Variants in KLHL9 observed in about 807,000 individuals in gnomAD.
KLHL9 encodes kelch like family member 9, also known as kelch-like protein 9.
Under a neutral mutation model 42.3 loss-of-function variants are expected in KLHL9, and 27 were observed. That is an observed-to-expected ratio of 0.64 (90% CI 0.47 to 0.88). The LOEUF (loss-of-function observed/expected upper bound fraction) is 0.88, where lower values mean the gene tolerates loss of function less well. KLHL9 is among the 40% of genes least tolerant of loss of function. The pLI is 0.00. For synonymous variants in KLHL9, 274 were observed against 254.4 expected, an observed-to-expected ratio of 1.08 and a Z score of -0.73; for missense variants, 629 against 750.3, an observed-to-expected ratio of 0.84 and a Z score of 1.89.
Position 21,330,657 on chromosome 9 carries a change from CA to C in KLHL9, c.*2348del, listed in dbSNP as rs1820152001. ...TTTTCAATAAAAGGAAAAGCCTGTA[CA>C]AAATAGAGGCAGGGCAGTATCACCT... On this transcript the variant is annotated 3_prime_UTR_variant, in exon 1 of 1. Coordinates refer to ENST00000359039, the MANE Select transcript of KLHL9 (RefSeq NM_018847.4). 1 of 151,968 alleles carries C rather than the reference CA, an allele frequency of 6.6e-6. No individual in the cohort carries two copies. Among genetic ancestry groups the C allele is most frequent in the African/African-American group, 2.4e-5 (1 of 41,366 alleles). 9.4% of individuals were successfully genotyped at this position (151,968 alleles called of 1,614,324 possible).
At position 21,335,111 on chromosome 9, in the gene KLHL9, A is replaced by G. The variant is rs1384734989; in HGVS notation, c.-252T>C. On this transcript the variant is annotated 5_prime_UTR_variant, in exon 1 of 1. Transcript: ENST00000359039. ...TGATTCATCACCTGAAGGCGGTTAA[A>G]TGACCTGGTTCACCTCGTCCGGCCT... 6 of 555,896 alleles carry G rather than the reference A, an allele frequency of 1.1e-5. No homozygotes were observed. The highest frequency in any genetic ancestry group is 1.9e-5 in the Non-Finnish European group (6 of 312,868). The allele number at this position is 555,896 out of a possible 1,614,324, so 34.4% of individuals were successfully genotyped here. A position where few individuals can be genotyped will look rare whatever the true frequency, so the allele number is the denominator to read the frequency against.
chr9:21,332,986 A>G lies in KLHL9; in HGVS notation c.*20T>C. ...TATTAGATCACCCATGACGTACTGC[A>G]AAGGTGTTACACCTTAGACCTAAGA... On this transcript the variant is annotated 3_prime_UTR_variant, in exon 1 of 1. Coordinates refer to ENST00000359039, the MANE Select transcript of KLHL9 (RefSeq NM_018847.4). 4 of 1,613,828 alleles carry G rather than the reference A, an allele frequency of 2.5e-6. No individual in the cohort carries two copies. The highest frequency in any genetic ancestry group is 3.4e-6 in the Non-Finnish European group (4 of 1,179,686).
In KLHL9 at chr9:21,332,807, A is replaced by T; in HGVS notation, c.*199T>A. On this transcript the variant is annotated 3_prime_UTR_variant, in exon 1 of 1. Coordinates refer to ENST00000359039, the MANE Select transcript of KLHL9 (RefSeq NM_018847.4). Reference sequence around the variant, plus strand: ...AAACATTTTTCTACGTCTTTTTTTCATTTGTTAAAACAGCTATGTTAAATA... The same window carrying T: ...AAACATTTTTCTACGTCTTTTTTTCTTTTGTTAAAACAGCTATGTTAAATA... 4 of 752,506 alleles carry T rather than the reference A, an allele frequency of 5.3e-6. No homozygotes were observed. Among genetic ancestry groups the T allele is most frequent in the Non-Finnish European group, 7.9e-6 (4 of 508,654 alleles). The allele number at this position is 752,506 out of a possible 1,614,324, so 46.6% of individuals were successfully genotyped here.
At position 21,335,140 on chromosome 9, in the gene KLHL9, C is replaced by A; in HGVS notation, c.-281G>T. The stretch of plus-strand genomic sequence containing the variant: ...CCTGGTTCACCTCGTCCGGCCTGCG[C>A]TGCCGCTCCTTCAGCAGTTCCGCTT... On this transcript the variant is annotated 5_prime_UTR_variant, in exon 1 of 1. Coordinates refer to ENST00000359039, the MANE Select transcript of KLHL9 (RefSeq NM_018847.4). 1.9e-6 allele frequency: 1 copy of A among 537,890 alleles called. No individual in the cohort carries two copies. The highest frequency in any genetic ancestry group is 3.0e-5 in the East Asian group (1 of 32,898). 33.3% of individuals were successfully genotyped at this position (537,890 alleles called of 1,614,324 possible). A position where few individuals can be genotyped will look rare whatever the true frequency, so the allele number is the denominator to read the frequency against.
Position 21,334,963 on chromosome 9 carries a change from CCTT to C in KLHL9, c.-107_-105del. 6.6e-7 allele frequency: 1 copy of C among 1,524,564 alleles called. No individual in the cohort carries two copies. The highest frequency in any genetic ancestry group is 2.4e-5 in the East Asian group (1 of 42,552). The allele number at this position is 1,524,564 out of a possible 1,614,324, so 94.4% of individuals were successfully genotyped here. A position where few individuals can be genotyped will look rare whatever the true frequency, so the allele number is the denominator to read the frequency against. On this transcript the variant is annotated 5_prime_UTR_variant, in exon 1 of 1. In the 5' UTR this introduces an upstream ATG that the reference lacks. Coordinates refer to ENST00000359039, the MANE Select transcript of KLHL9 (RefSeq NM_018847.4). This position sits in a 1 kb window ranked among gnomAD's most constrained non-coding sequence, Gnocchi z 5.1. ...TCCAGAAAGAACAGAAAGCTCGTTT[CCTT>C]ATCAAGGGAAGGCAGTCACTGCGGC...
chr9:21,334,692 T>A lies in KLHL9; in HGVS notation c.168A>T (p.Pro56=), dbSNP rs770280109. The A allele has an allele frequency of 1.2e-6, 2 of 1,614,130 alleles. No homozygotes were observed. The highest frequency in any genetic ancestry group is 8.5e-7 in the Non-Finnish European group (1 of 1,179,986). ...CAGGGAAGATTTCATCTCCATCACC[T>A]GGTACCAGGGTCACATCACAAAGCA... ...EGLLCDVTLV[P]GDGDEIFPVH... is the part of the protein sequence containing the mutation. The change falls in exon 1 of 1, where the codon CCA becomes CCT. Residue 56 remains proline, a synonymous_variant. Coordinates refer to ENST00000359039, the MANE Select transcript of KLHL9 (RefSeq NM_018847.4). This position sits in a 1 kb window ranked among gnomAD's most constrained non-coding sequence, Gnocchi z 5.1.
rs1361443928 is a variant in KLHL9 at position 21,331,054 on chromosome 9, C to G, written c.*1952G>C. 1 of 152,266 alleles carries G rather than the reference C, an allele frequency of 6.6e-6. No individual in the cohort carries two copies. Among genetic ancestry groups the G allele is most frequent in the African/African-American group, 2.4e-5 (1 of 41,328 alleles). The allele number at this position is 152,266 out of a possible 1,614,324, so 9.4% of individuals were successfully genotyped here. A position where few individuals can be genotyped will look rare whatever the true frequency, so the allele number is the denominator to read the frequency against. ...ATTACATTTATTATATAAAGAGATC[C>G]TATAACTTGATACGAAAAACAAAGC... On this transcript the variant is annotated 3_prime_UTR_variant, in exon 1 of 1. Transcript: ENST00000359039.
rs1820208870 is a variant in KLHL9, at chr9:21,333,397, A to G, written c.1463T>C (p.Met488Thr). The change falls in exon 1 of 1, where the codon ATG becomes ACG. Residue 488 changes from methionine to threonine, a missense_variant. By Grantham distance (81) the Met-to-Thr change is moderately conservative. This residue lies in a region of KLHL9 where 214 missense variants were observed against 305.8 expected (regional missense o/e 0.70). Transcript: ENST00000359039. The surrounding 1 kb of genome is among the most constrained non-coding windows in gnomAD (Gnocchi z 7.5). ...ATAGAGCTTATCTCCAACTGTACAC[A>G]TGCAATGCAGACCTCTGACTGTAGT... ...PMTTVRGLHC[M>T]CTVGDKLYVI... The G allele has an allele frequency of 6.2e-7, 1 of 1,614,116 alleles. No homozygotes were observed. The highest frequency in any genetic ancestry group is 1.7e-5 in the Admixed American group (1 of 60,006).
At position 21,332,670 on chromosome 9, in the gene KLHL9, CCTCT is replaced by C. The variant is rs1820193861; in HGVS notation, c.*332_*335del. The C allele has an allele frequency of 4.1e-6, 1 of 245,682 alleles. No individual in the cohort carries two copies. The highest frequency in any genetic ancestry group is 2.3e-5 in the African/African-American group (1 of 44,204). 15.2% of individuals were successfully genotyped at this position (245,682 alleles called of 1,614,324 possible). On this transcript the variant is annotated 3_prime_UTR_variant, in exon 1 of 1. Transcript: ENST00000359039. ...GTTATTTTTAGTTTAGAGCGGCCTC[CCTCT>C]GACATTTTGGAGTCAAAGATGAAAA...
At position 21,332,839 on chromosome 9, in the gene KLHL9, C is replaced by T; in HGVS notation, c.*167G>A. ...AAAACAGCTATGTTAAATACATTTT[C>T]AGAATGCATTTGTTAGCCACTTGAT... On this transcript the variant is annotated 3_prime_UTR_variant, in exon 1 of 1. Transcript: ENST00000359039. 1.0e-6 allele frequency: 1 copy of T among 972,752 alleles called. No homozygotes were observed. Among genetic ancestry groups the T allele is most frequent in the Admixed American group, 3.2e-5 (1 of 31,588 alleles). 60.3% of individuals were successfully genotyped at this position (972,752 alleles called of 1,614,324 possible). A position where few individuals can be genotyped will look rare whatever the true frequency, so the allele number is the denominator to read the frequency against.
Position 21,329,756 on chromosome 9 carries a change from A to C in KLHL9, c.*3250T>G, listed in dbSNP as rs1023045120. On this transcript the variant is annotated 3_prime_UTR_variant, in exon 1 of 1. Transcript: ENST00000359039. ...AAAAATATTTGACAAATGCCTGCAC[A>C]TATGTACGTATATATATATATATAA... 6.7e-6 allele frequency: 1 copy of C among 149,620 alleles called. No homozygotes were observed. The highest frequency in any genetic ancestry group is 6.7e-5 in the Admixed American group (1 of 14,988). The allele number at this position is 149,620 out of a possible 1,614,324, so 9.3% of individuals were successfully genotyped here.
At position 21,331,782 on chromosome 9, in the gene KLHL9, G is replaced by C. The variant is rs1820175679; in HGVS notation, c.*1224C>G. ...GGAATCTGAAGTTGGTCCTGTCTTT[G>C]AGACATGGCCAAAAGCACATTTTTC... On this transcript the variant is annotated 3_prime_UTR_variant, in exon 1 of 1. Coordinates refer to ENST00000359039, the MANE Select transcript of KLHL9 (RefSeq NM_018847.4). 6.6e-6 allele frequency: 1 copy of C among 152,558 alleles called. No individual in the cohort carries two copies. The highest frequency in any genetic ancestry group is 1.9e-4 in the East Asian group (1 of 5,190). 9.5% of individuals were successfully genotyped at this position (152,558 alleles called of 1,614,324 possible). A position where few individuals can be genotyped will look rare whatever the true frequency, so the allele number is the denominator to read the frequency against.
At position 21,333,850 on chromosome 9, in the gene KLHL9, C is replaced by T. The variant is rs1225685588; in HGVS notation, c.1010G>A (p.Arg337His). 5 of 1,613,886 alleles carry T rather than the reference C, an allele frequency of 3.1e-6. No individual in the cohort carries two copies. The South Asian group carries it at 4.4e-5, about 14-fold the overall frequency. Residue 337 changes from arginine to histidine, a missense_variant, in exon 1 of 1, where the codon CGT becomes CAT. Arg to His is a conservative substitution (Grantham distance 29). Coordinates refer to ENST00000359039, the MANE Select transcript of KLHL9 (RefSeq NM_018847.4). The surrounding 1 kb of genome is among the most constrained non-coding windows in gnomAD (Gnocchi z 7.5). ...AATGACAGCAATACCATGCTGGTAA[C>T]GGGGAGCATCCATTGGGGCTAAAGA... ...WRSLAPMDAP[R>H]YQHGIAVIGN...
chr9:21,334,583 T>G lies in KLHL9; in HGVS notation c.277A>C (p.Ile93Leu). 6.2e-7 allele frequency: 1 copy of G among 1,614,182 alleles called. No individual in the cohort carries two copies. The highest frequency in any genetic ancestry group is 1.1e-5 in the South Asian group (1 of 91,088). Residue 93 changes from isoleucine (I) to leucine (L), a missense_variant, in exon 1 of 1, where the codon ATT becomes CTT. This residue lies in a region of KLHL9 where 351 missense variants were observed against 363.1 expected (regional missense o/e 0.97). Coordinates refer to ENST00000359039, the MANE Select transcript of KLHL9 (RefSeq NM_018847.4). The surrounding 1 kb of genome is among the most constrained non-coding windows in gnomAD (Gnocchi z 5.1). ...GGMKEQDLMC[I>L]KLHGVNKVGL... ...ACCTTGTTCACCCCATGAAGCTTAA[T>G]GCACATCAAATCTTGTTCTTTCATT...
In KLHL9 at chr9:21,330,992, T is replaced by C. The variant is rs1563853018; in HGVS notation, c.*2014A>G. 1 of 151,528 alleles carries C rather than the reference T, an allele frequency of 6.6e-6. No individual in the cohort carries two copies. The highest frequency in any genetic ancestry group is 1.5e-5 in the Non-Finnish European group (1 of 67,872). The allele number at this position is 151,528 out of a possible 1,614,324, so 9.4% of individuals were successfully genotyped here. A position where few individuals can be genotyped will look rare whatever the true frequency, so the allele number is the denominator to read the frequency against. On this transcript the variant is annotated 3_prime_UTR_variant, in exon 1 of 1. Coordinates refer to ENST00000359039, the MANE Select transcript of KLHL9 (RefSeq NM_018847.4). ...GTTGCCTTTGTAAAACTACAACAGA[T>C]TGAGGGAAGAAATAAATGCAAGCAA...
rs1440436685 is a variant in KLHL9 at position 21,334,237 on chromosome 9, T to C, written c.623A>G (p.Lys208Arg). Residue 208 changes from lysine to arginine, a missense_variant, in exon 1 of 1, where the codon AAG becomes AGG. By Grantham distance (26) the Lys-to-Arg change is conservative (BLOSUM62 2). Transcript: ENST00000359039. The surrounding 1 kb of genome is among the most constrained non-coding windows in gnomAD (Gnocchi z 5.1). ...LAFVLSSNSL[K>R]HCTELELFKA... ...AAAGAGTTCAAGTTCGGTACAGTGCTTAAGACTATTACTGGAAAGCACAAA... is the reference window on the plus strand; with the variant it reads ...AAAGAGTTCAAGTTCGGTACAGTGCCTAAGACTATTACTGGAAAGCACAAA... 1.2e-6 allele frequency: 2 copies of C among 1,614,074 alleles called. No homozygotes were observed. The highest frequency in any genetic ancestry group is 2.2e-5 in the East Asian group (1 of 44,898).
chr9:21,334,198 C>A lies in KLHL9; in HGVS notation c.662G>T (p.Arg221Leu). Residue 221 changes from arginine (R) to leucine (L), a missense_variant, in exon 1 of 1, where the codon CGC becomes CTC. By Grantham distance (102) the Arg-to-Leu change is moderately radical. Coordinates refer to ENST00000359039, the MANE Select transcript of KLHL9 (RefSeq NM_018847.4). This position sits in a 1 kb window ranked among gnomAD's most constrained non-coding sequence, Gnocchi z 5.1. ...TELELFKAAC[R>L]WLRLEDPRMD... Reference sequence around the variant, plus strand: ...CCGAGGGTCTTCCAACCTTAGCCAGCGACAGGCTGCCTTAAAGAGTTCAAG... The same window carrying A: ...CCGAGGGTCTTCCAACCTTAGCCAGAGACAGGCTGCCTTAAAGAGTTCAAG... 2 of 1,614,154 alleles carry A rather than the reference C, an allele frequency of 1.2e-6. No homozygotes were observed. The highest frequency in any genetic ancestry group is 1.7e-6 in the Non-Finnish European group (2 of 1,180,040).
chr9:21,333,436 TG>T lies in KLHL9; in HGVS notation c.1423del (p.Gln475LysfsTer5). ...TCTGACTGTAGTCATTGGAGCCTTT[TG>T]CATCCATTTATCTGTATCTGGGTCA... ...CFDPDTDKWM[Q>X]KAPMTTVRGL... On this transcript the variant is annotated frameshift_variant, in exon 1 of 1. Coordinates refer to ENST00000359039, the MANE Select transcript of KLHL9 (RefSeq NM_018847.4). LOFTEE classifies it high-confidence loss of function. This position sits in a 1 kb window ranked among gnomAD's most constrained non-coding sequence, Gnocchi z 7.5. 6.2e-7 allele frequency: 1 copy of T among 1,614,256 alleles called. No homozygotes were observed. The highest frequency in any genetic ancestry group is 8.5e-7 in the Non-Finnish European group (1 of 1,180,042).
In KLHL9 at chr9:21,331,560, T is replaced by C. The variant is rs1820172085; in HGVS notation, c.*1446A>G. On this transcript the variant is annotated 3_prime_UTR_variant, in exon 1 of 1. Coordinates refer to ENST00000359039, the MANE Select transcript of KLHL9 (RefSeq NM_018847.4). ...TTTTTTTTCTTCAGGTAGACAATTA[T>C]TCCAGGAAAGTACCTCTTCAGAATC... 6.6e-6 allele frequency: 1 copy of C among 152,090 alleles called. No homozygotes were observed. Among genetic ancestry groups the C allele is most frequent in the African/African-American group, 2.4e-5 (1 of 41,416 alleles). The allele number at this position is 152,090 out of a possible 1,614,324, so 9.4% of individuals were successfully genotyped here. A position where few individuals can be genotyped will look rare whatever the true frequency, so the allele number is the denominator to read the frequency against.
Sources: allele counts gnomAD v4.1 joint callset, GRCh38; gene constraint gnomAD v4.1.1; regional missense constraint gnomAD v4.1.1; non-coding constraint Gnocchi (gnomAD v3.1); transcripts MANE v1.5; gene names NCBI Gene and HGNC (gene_info 2026-07-23, HGNC 2026-07-21).